PTPRE: variants seen among roughly 807,000 people sequenced by gnomAD.
The protein encoded by PTPRE is protein tyrosine phosphatase receptor type E, also known as receptor-type tyrosine-protein phosphatase epsilon.
A neutral mutation model predicts 102.0 loss-of-function variants in PTPRE; 51 were observed. The ratio of observed to expected loss-of-function variants is 0.50; its 90% CI spans 0.40 to 0.63. PTPRE has a LOEUF of 0.63. Among genes scored for constraint, PTPRE ranks in the 30% least tolerant of loss-of-function variants. The pLI is 0.00. For synonymous variants in PTPRE, 345 were observed against 348.2 expected, an observed-to-expected ratio of 0.99 and a Z score of 0.10; for missense variants, 752 against 915.1, an observed-to-expected ratio of 0.82 and a Z score of 2.30.
At chr10:128,015,556 T>C (rs1428590390) in intron 2 of PTPRE, among the ~76,000 whole-genome samples, 1 of 152,106 alleles carries the variant, frequency 6.6e-6, no homozygotes, top group Non-Finnish European at 1.5e-5. Flanking sequence ...TTAGTAGAGA[T>C]GGGGTTTCAC....
chr10:128,016,379 G>A (rs1246794625), intron 2 of PTPRE, among the ~76,000 whole-genome samples: 1 of 152,124 alleles, frequency 6.6e-6, no homozygotes, highest in African/African-American at 2.4e-5. Flanking sequence ...CAGCCCCCAG[G>A]TGGAGAAACA....
intron 2 of PTPRE, among the ~76,000 whole-genome samples, chr10:128,004,121 G>T (rs1258863387): frequency 2.0e-5 from 3 of 151,782 alleles, no homozygotes; most frequent in Non-Finnish European, 4.4e-5. Context: ...AGGGCAAAAT[G>T]TGCTGCGTGC....
intron 2 of PTPRE, among the ~76,000 whole-genome samples, chr10:128,025,139 A>G (rs185185439): frequency 1.0e-3 from 150 of 143,400 alleles, no homozygotes; most frequent in Admixed American, 2.6e-3. Context: ...AGCCTGGGTG[A>G]CAGAATGAGA....
intron 1 of PTPRE, among the ~76,000 whole-genome samples, chr10:127,930,492 G>A (rs76554963): frequency 0.047 from 7,213 of 152,274 alleles, 260 homozygotes; most frequent in Middle Eastern, 0.085. Flanking sequence ...TATGCATGTA[G>A]CGCAGTTTGT....
rs185957886 is a variant in PTPRE, at chr10:128,000,553, A to G, written c.-8+18257A>G. Among the ~76,000 whole-genome samples, 6 of 152,344 alleles carry G rather than the reference A, an allele frequency of 3.9e-5. No individual in the cohort carries two copies. In the East Asian group the frequency reaches 1.2e-3, roughly 29 times the overall value. On this transcript the variant is annotated intron_variant, in intron 2 of 20. Coordinates refer to ENST00000254667, the MANE Select transcript of PTPRE (RefSeq NM_006504.6). ...AATAGCCCAAGTTCTCAGAGACTGT[A>G]TATTTGATAAATGCTCAAATTGTTT...
chr10:127,931,628 C>T (rs553057011), intron 1 of PTPRE, among the ~76,000 whole-genome samples: 2 of 152,350 alleles, frequency 1.3e-5, no homozygotes, highest in East Asian at 3.9e-4. Flanking sequence ...TTCTGAAACT[C>T]TACCGCCCCC....
At chr10:128,032,334 G>A (rs1371840701) in intron 2 of PTPRE, among the ~76,000 whole-genome samples, 1 of 152,136 alleles carries the variant, frequency 6.6e-6, no homozygotes, top group Non-Finnish European at 1.5e-5. Context: ...AACTTTTAAT[G>A]TTGAAATGAT....
In PTPRE at chr10:128,061,022, G is replaced by A. The variant is rs765048699; in HGVS notation, c.588+7G>A. 5 of 1,613,586 alleles carry A rather than the reference G, an allele frequency of 3.1e-6. No homozygotes were observed. The South Asian group carries it at 4.4e-5, about 14-fold the overall frequency. The stretch of plus-strand genomic sequence containing the variant: ...CAATGCTTCCTACATAGATGTAAGT[G>A]GGCAGAGGTTTCTTGTTCCCCTGGC... On this transcript the variant is annotated splice_region_variant and intron_variant, in intron 8 of 20. Transcript: ENST00000254667.
At chr10:127,962,524 C>T (rs573925637) in intron 1 of PTPRE, among the ~76,000 whole-genome samples, 2 of 152,288 alleles carry the variant, frequency 1.3e-5, no homozygotes, top group East Asian at 1.9e-4. Context: ...GGGGAGGGGT[C>T]GATGGAGTGT....
At chr10:127,977,856 C>T (rs909893808) in intron 1 of PTPRE, among the ~76,000 whole-genome samples, 1 of 152,122 alleles carries the variant, frequency 6.6e-6, no homozygotes, top group African/African-American at 2.4e-5. Flanking sequence ...TGGCTTTTTC[C>T]CAGGGCCTTG....
rs143477668 is a variant in PTPRE at position 128,069,489 on chromosome 10, C to G, written c.1008-203C>G. ...GTTAATGTGCCTCTTAGTAGAGTGTCGGTGGCTATCAGAGGACCGGCCTGA... is the reference window on the plus strand; with the variant it reads ...GTTAATGTGCCTCTTAGTAGAGTGTGGGTGGCTATCAGAGGACCGGCCTGA... On this transcript the variant is annotated intron_variant, in intron 12 of 20. Coordinates refer to ENST00000254667, the MANE Select transcript of PTPRE (RefSeq NM_006504.6). 650 of 623,956 alleles carry G rather than the reference C, an allele frequency of 1.0e-3. 5 individuals carry two copies. The African/African-American group carries it at 0.011, about 10-fold the overall frequency. 38.7% of individuals were successfully genotyped at this position (623,956 alleles called of 1,614,324 possible).
chr10:127,943,095 C>T (rs982841119), intron 1 of PTPRE, among the ~76,000 whole-genome samples: 3 of 152,174 alleles, frequency 2.0e-5, no homozygotes, highest in Admixed American at 2.0e-4. Flanking sequence ...CAGACATCCA[C>T]ACATCCTGTC....
At chr10:127,925,084 C>T (rs1246340571) in intron 1 of PTPRE, among the ~76,000 whole-genome samples, 2 of 152,230 alleles carry the variant, frequency 1.3e-5, no homozygotes, top group Non-Finnish European at 2.9e-5. Flanking sequence ...GAAGCCAGCA[C>T]ACCTGAGGGC....
intron 6 of PTPRE, among the ~76,000 whole-genome samples, 166 bp downstream of exon 6, chr10:128,049,832 CTTT>C (rs1848412563): frequency 6.6e-6 from 1 of 152,158 alleles, no homozygotes; most frequent in African/African-American, 2.4e-5. Context: ...GTGCAGTGCC[CTTT>C]GCCAATGCTT....
intron 1 of PTPRE, among the ~76,000 whole-genome samples, chr10:127,952,382 G>A (rs1485471268): frequency 1.8e-5 from 2 of 113,434 alleles, no homozygotes; most frequent in Admixed American, 1.2e-4. Context: ...AAAAAGTTTA[G>A]TCTAAGATGA....
intron 2 of PTPRE, among the ~76,000 whole-genome samples, chr10:128,030,364 G>A (rs12570085): frequency 0.18 from 27,799 of 151,984 alleles, 2,863 homozygotes; most frequent in East Asian, 0.37. Flanking sequence ...TAAGTGTTCT[G>A]GAAAAGGCCC....
intron 1 of PTPRE, among the ~76,000 whole-genome samples, chr10:127,972,464 G>T (rs1461839838): frequency 2.0e-5 from 3 of 152,188 alleles, no homozygotes; most frequent in Non-Finnish European, 2.9e-5. Flanking sequence ...AGGACCATTT[G>T]TCCTCATAAA....
chr10:128,069,956 C>G (rs1590220955), intron 13 of PTPRE, 129 bp downstream of exon 13: 2 of 1,410,674 alleles, frequency 1.4e-6, no homozygotes, highest in Non-Finnish European at 2.0e-6. Flanking sequence ...CCTGGCTTCG[C>G]TCCCCATAGC....
chr10:128,040,974 G>C lies in PTPRE; in HGVS notation c.93G>C (p.Glu31Asp), dbSNP rs773764698. 6.2e-7 allele frequency: 1 copy of C among 1,614,074 alleles called. No homozygotes were observed. The highest frequency in any genetic ancestry group is 8.5e-7 in the Non-Finnish European group (1 of 1,180,004). The change falls in exon 3 of 21, where the codon GAG (glutamate) becomes GAC (aspartate). Residue 31 changes from glutamate (E) to aspartate (D), a missense_variant. By Grantham distance (45) the Glu-to-Asp change is conservative. Transcript: ENST00000254667. The stretch of plus-strand genomic sequence containing the variant: ...ACGAGACCACTGCCGACAGCAACGA[G>C]ACAACCACGACCTCAGGTAAGGACC... ...RGNETTADSNETTTTSGPPDP... is the reference protein window; with the variant it reads ...RGNETTADSNDTTTTSGPPDP...
Sources: gnomAD v4.1 joint callset for allele counts (sites outside exome capture counted in the v4.1 genomes callset) on GRCh38, gnomAD v4.1.1 for gene constraint, MANE v1.5 for transcripts, NCBI Gene and HGNC (gene_info 2026-07-23, HGNC 2026-07-21) for gene names.